RHOJ: variants seen among roughly 807,000 people sequenced by gnomAD.
RHOJ encodes ras homolog family member J, also known as rho-related GTP-binding protein RhoJ.
Under a neutral mutation model 23.4 loss-of-function variants are expected in RHOJ, and 11 were observed. The ratio of observed to expected loss-of-function variants is 0.47; its 90% CI spans 0.30 to 0.78. RHOJ has a LOEUF of 0.78. Ranked by LOEUF, RHOJ falls within the 30% of genes least tolerant of loss-of-function variation. The pLI, the probability that RHOJ is intolerant of heterozygous loss-of-function variation, is 0.08. For synonymous variants in RHOJ, 102 were observed against 102.7 expected (o/e 0.99, Z 0.04); for missense variants, 254 against 273.4 (o/e 0.93, Z 0.50).
intron 4 of RHOJ, among the ~76,000 whole-genome samples, chr14:63,290,597 C>T (rs1882214195): frequency 6.6e-6 from 1 of 150,704 alleles, no homozygotes; most frequent in Non-Finnish European, 1.5e-5. Flanking sequence ...GAATAAATGG[C>T]TATGGGTCAA....
chr14:63,204,787 C>T lies in RHOJ; in HGVS notation c.-83C>T, dbSNP rs1255641496. On this transcript the variant is annotated 5_prime_UTR_variant, in exon 1 of 5. Coordinates refer to ENST00000316754, the MANE Select transcript of RHOJ (RefSeq NM_020663.5). ...AGACAGAGTAAACTCAAGCCTGGCA[C>T]TGGCTTTCTGCCGCTTCATGTGCTT... 1.6e-5 allele frequency: 23 copies of T among 1,438,604 alleles called. No homozygotes were observed. The highest frequency in any genetic ancestry group is 2.1e-5 in the Non-Finnish European group (22 of 1,047,638). The allele number at this position is 1,438,604 out of a possible 1,614,324, so 89.1% of individuals were successfully genotyped here.
At chr14:63,240,400 C>T (rs996811333) in intron 1 of RHOJ, among the ~76,000 whole-genome samples, 2 of 152,190 alleles carry the variant, frequency 1.3e-5, no homozygotes, top group African/African-American at 4.8e-5. Context: ...CGAAATCCCA[C>T]ATTTCTTTAG....
intron 2 of RHOJ, among the ~76,000 whole-genome samples, chr14:63,279,594 A>T (rs1881837905): frequency 6.6e-6 from 1 of 152,254 alleles, no homozygotes; most frequent in African/African-American, 2.4e-5. Context: ...CTTTGTATTT[A>T]TCAACTCCCA....
In RHOJ at chr14:63,292,067, G is replaced by A. The variant is rs1030841358; in HGVS notation, c.*1043G>A. 6.6e-6 allele frequency: 1 copy of A among 152,068 alleles called. No individual in the cohort carries two copies. Among genetic ancestry groups the A allele is most frequent in the Admixed American group, 6.5e-5 (1 of 15,274 alleles). The allele number at this position is 152,068 out of a possible 1,614,324, so 9.4% of individuals were successfully genotyped here. On this transcript the variant is annotated 3_prime_UTR_variant, in exon 5 of 5. Coordinates refer to ENST00000316754, the MANE Select transcript of RHOJ (RefSeq NM_020663.5). ...AAGAAAGATCTGAGCATAAAGATAC[G>A]TGTTTAAAAATAACTAAAAGTAAAG...
chr14:63,265,988 T>A, intron 1 of RHOJ, among the ~76,000 whole-genome samples: 1 of 152,180 alleles, frequency 6.6e-6, no homozygotes, highest in East Asian at 1.9e-4. Flanking sequence ...AGCCTCTGGG[T>A]AGCCGGCTTC....
intron 2 of RHOJ, among the ~76,000 whole-genome samples, chr14:63,273,851 C>G (rs375832233): frequency 6.6e-6 from 1 of 152,192 alleles, no homozygotes; most frequent in East Asian, 1.9e-4. Flanking sequence ...CCAGGTGCAG[C>G]CTGGCCAGGC....
intron 4 of RHOJ, among the ~76,000 whole-genome samples, chr14:63,289,478 C>T (rs553428085): frequency 6.6e-6 from 1 of 152,356 alleles, no homozygotes; most frequent in East Asian, 1.9e-4. Context: ...ATTTAGCCAA[C>T]CTCTTCTGAA....
intron 2 of RHOJ, among the ~76,000 whole-genome samples, chr14:63,276,350 A>C (rs1395509907): frequency 6.6e-6 from 1 of 152,138 alleles, no homozygotes; most frequent in Non-Finnish European, 1.5e-5. Flanking sequence ...CTAGTGTTGG[A>C]ATTGTATTTT....
At chr14:63,268,427 C>G (rs923303613) in intron 1 of RHOJ, among the ~76,000 whole-genome samples, 10 of 152,152 alleles carry the variant, frequency 6.6e-5, no homozygotes, top group African/African-American at 2.2e-4. Context: ...AAACTCACTA[C>G]TTTTCACCCT....
chr14:63,236,516 C>A (rs369793537), intron 1 of RHOJ, among the ~76,000 whole-genome samples: 121 of 152,168 alleles, frequency 8.0e-4, no homozygotes, highest in African/African-American at 2.8e-3. Flanking sequence ...CTTTTTAAAA[C>A]CATCAGATCT....
intron 1 of RHOJ, among the ~76,000 whole-genome samples, chr14:63,226,746 A>G (rs1894601927): frequency 6.6e-6 from 1 of 152,068 alleles, no homozygotes. Context: ...CACCTTGGAA[A>G]ATTTTTGCTA....
intron 2 of RHOJ, among the ~76,000 whole-genome samples, chr14:63,271,222 A>T (rs1471189979): frequency 6.6e-6 from 1 of 152,242 alleles, no homozygotes; most frequent in Non-Finnish European, 1.5e-5. Flanking sequence ...AAGGCTCAAA[A>T]GGAACCATAA....
At chr14:63,268,543 T>C (rs79383047) in intron 1 of RHOJ, among the ~76,000 whole-genome samples, 10,871 of 152,306 alleles carry the variant, frequency 0.071, 520 homozygotes, top group East Asian at 0.25. Context: ...AATATCTAAT[T>C]TTAAAAAACT....
intron 2 of RHOJ, among the ~76,000 whole-genome samples, chr14:63,274,140 A>G (rs1881638731): frequency 6.6e-6 from 1 of 152,216 alleles, no homozygotes; most frequent in Non-Finnish European, 1.5e-5. Flanking sequence ...ATGGCAACCC[A>G]GGCTCCACTT....
At chr14:63,260,398 A>G (rs1248641672) in intron 1 of RHOJ, among the ~76,000 whole-genome samples, 2 of 152,192 alleles carry the variant, frequency 1.3e-5, no homozygotes, top group Non-Finnish European at 2.9e-5. Flanking sequence ...ATAAATCTGG[A>G]TAAGCCTAAG....
At chr14:63,272,473 T>C (rs115507868) in intron 2 of RHOJ, among the ~76,000 whole-genome samples, 458 of 152,356 alleles carry the variant, frequency 3.0e-3, no homozygotes, top group African/African-American at 0.01. Context: ...CTTGAATAAT[T>C]AGATTTTTGT....
intron 4 of RHOJ, chr14:63,284,450 G>T (rs979169133): frequency 5.8e-6 from 4 of 695,510 alleles, no homozygotes; most frequent in Admixed American, 1.3e-4. Context: ...GATAGCGTTG[G>T]TCTCAGCTTA....
chr14:63,279,086 G>A (rs1407745801), intron 2 of RHOJ, among the ~76,000 whole-genome samples: 1 of 152,246 alleles, frequency 6.6e-6, no homozygotes, highest in Non-Finnish European at 1.5e-5. Flanking sequence ...TATCAGGGAT[G>A]AAAACAAGCT....
intron 2 of RHOJ, among the ~76,000 whole-genome samples, chr14:63,278,857 G>A (rs1881811389): frequency 6.6e-6 from 1 of 152,090 alleles, no homozygotes; most frequent in Non-Finnish European, 1.5e-5. Flanking sequence ...GTGGTGGCAT[G>A]TGCCTGTAGT....
Sources: allele counts gnomAD v4.1 joint callset (sites outside exome capture counted in the v4.1 genomes callset), GRCh38; gene constraint gnomAD v4.1.1; transcripts MANE v1.5; gene names NCBI Gene and HGNC (gene_info 2026-07-23, HGNC 2026-07-21).